STK3: variants seen among roughly 807,000 people sequenced by gnomAD.
STK3 encodes serine/threonine kinase 3, also known as serine/threonine-protein kinase 3.
Under a neutral mutation model 58.0 loss-of-function variants are expected in STK3, and 41 were observed. The observed-to-expected ratio is 0.71, with a 90% confidence interval of 0.55 to 0.92. STK3 has a LOEUF of 0.92. Ranked by LOEUF, STK3 falls within the 40% of genes least tolerant of loss-of-function variation. The pLI, the probability that STK3 is intolerant of heterozygous loss-of-function variation, is 0.00. For missense variants in STK3, 479 were observed against 602.7 expected (o/e 0.79, Z 2.15); for synonymous variants, 170 against 191.0 (o/e 0.89, Z 0.91).
At chr8:98,496,554 G>A (rs75274186) in intron 10 of STK3, among the ~76,000 whole-genome samples, 8,603 of 152,162 alleles carry the variant, frequency 0.057, 332 homozygotes, top group South Asian at 0.19. Context: ...CTTCTTTGCA[G>A]AAATTGACAA....
chr8:98,597,513 T>A, intron 6 of STK3: 1 of 985,388 alleles, frequency 1.0e-6, no homozygotes, highest in Non-Finnish European at 1.2e-6. Flanking sequence ...ATAAAGCATT[T>A]CTGTGTGTTC....
intron 8 of STK3, among the ~76,000 whole-genome samples, chr8:98,575,614 A>G (rs1039650633): frequency 1.3e-5 from 2 of 151,600 alleles, no homozygotes; most frequent in African/African-American, 4.9e-5. Flanking sequence ...TGTAAGTTGT[A>G]AGAGTTCTCT....
chr8:98,528,049 T>C (rs1455019900), intron 9 of STK3, among the ~76,000 whole-genome samples: 1 of 152,184 alleles, frequency 6.6e-6, no homozygotes, highest in East Asian at 1.9e-4. Flanking sequence ...AACTGATTAT[T>C]AGGTCTTTTA....
chr8:98,598,266 T>C (rs1408580979), intron 6 of STK3: 2 of 985,382 alleles, frequency 2.0e-6, no homozygotes, highest in Non-Finnish European at 2.4e-6. Flanking sequence ...TCTTAACATA[T>C]AAGGCTCACC....
At chr8:98,901,907 C>A (rs1838670871) in intron 1 of STK3, among the ~76,000 whole-genome samples, 1 of 152,200 alleles carries the variant, frequency 6.6e-6, no homozygotes, top group Non-Finnish European at 1.5e-5. Flanking sequence ...AAGGGTCAAT[C>A]CTAACCCTCC....
chr8:98,888,279 A>G (rs1838066531), intron 1 of STK3, among the ~76,000 whole-genome samples: 1 of 152,128 alleles, frequency 6.6e-6, no homozygotes, highest in Non-Finnish European at 1.5e-5. Context: ...AGATTGCACC[A>G]CTGCCCTCCA....
At chr8:98,537,672 A>C (rs1385132683) in intron 9 of STK3, among the ~76,000 whole-genome samples, 5 of 152,184 alleles carry the variant, frequency 3.3e-5, no homozygotes, top group African/African-American at 1.2e-4. Flanking sequence ...CCAGCTTACA[A>C]AAACATTTTA....
intron 10 of STK3, among the ~76,000 whole-genome samples, chr8:98,471,021 T>C (rs1563635751): frequency 6.6e-6 from 1 of 152,190 alleles, no homozygotes; most frequent in East Asian, 1.9e-4. Context: ...GGCAGGTGGC[T>C]TCTGAAAAGG....
At chr8:98,359,127 A>T in the STK3 span, among the ~76,000 whole-genome samples, 1 of 152,136 alleles carries the variant, frequency 6.6e-6, no homozygotes, top group Admixed American at 6.5e-5. Context: ...CCATCCCGCT[A>T]TTCCTGCTGA....
intron 10 of STK3, among the ~76,000 whole-genome samples, chr8:98,508,926 T>C (rs1183154821): frequency 1.3e-5 from 2 of 152,120 alleles, no homozygotes; most frequent in Non-Finnish European, 1.5e-5. Context: ...TAAGAACTAA[T>C]GATGTATTCT....
chr8:98,590,562 CAGG>C (rs1457555385), intron 7 of STK3, among the ~76,000 whole-genome samples: 1 of 152,290 alleles, frequency 6.6e-6, no homozygotes, highest in African/African-American at 2.4e-5. Context: ...GAGCAAAAAG[CAGG>C]AGGACGGGGG....
At chr8:98,416,527 A>T (rs1241537473) in intron 3 of STK3, among the ~76,000 whole-genome samples, 4 of 152,058 alleles carry the variant, frequency 2.6e-5, no homozygotes, top group South Asian at 2.1e-4. Flanking sequence ...CAGGAGACAC[A>T]CTCCACTGGG....
At position 98,428,475 on chromosome 8, in the gene STK3, C is replaced by G; in HGVS notation, n.483+5652G>C. ...CGCCTCCAAGTTCGATGGGCAGCCCCTCGGCAACTTCCGCAGGCAGCTGTG... is the reference window on the plus strand; with the variant it reads ...CGCCTCCAAGTTCGATGGGCAGCCCGTCGGCAACTTCCGCAGGCAGCTGTG... On this transcript the variant is annotated intron_variant and non_coding_transcript_variant, in intron 3 of 3. Transcript: ENST00000517832. This position sits in a 1 kb window ranked among gnomAD's most constrained non-coding sequence, Gnocchi z 6.7. 1 of 1,614,152 alleles carries G rather than the reference C, an allele frequency of 6.2e-7. No individual in the cohort carries two copies. Among genetic ancestry groups the G allele is most frequent in the Non-Finnish European group, 8.5e-7 (1 of 1,180,036 alleles).
intron 1 of STK3, among the ~76,000 whole-genome samples, chr8:98,915,768 T>C (rs781079323): frequency 4.6e-5 from 7 of 151,920 alleles, no homozygotes; most frequent in Non-Finnish European, 7.4e-5. Context: ...TCAGAGAAAA[T>C]ATCCATCCTC....
intron 8 of STK3, among the ~76,000 whole-genome samples, chr8:98,575,168 G>A (rs1343824531): frequency 6.6e-6 from 1 of 152,066 alleles, no homozygotes; most frequent in East Asian, 1.9e-4. Context: ...AATAATACTT[G>A]GGGTAGATGG....
At chr8:98,893,484 A>AGAG in intron 1 of STK3, among the ~76,000 whole-genome samples, 1 of 43,620 alleles carries the variant, frequency 2.3e-5, no homozygotes, top group East Asian at 5.9e-4. Flanking sequence ...GAAAGAAAGA[A>AGAG]AGAGAAAGAA....
At chr8:98,798,820 C>G (rs751921863) in intron 1 of STK3, among the ~76,000 whole-genome samples, 1 of 152,120 alleles carries the variant, frequency 6.6e-6, no homozygotes, top group Non-Finnish European at 1.5e-5. Flanking sequence ...AAAAATCAGG[C>G]CTTTAAGAGG....
At chr8:98,794,358 A>T (rs1055277930) in intron 1 of STK3, among the ~76,000 whole-genome samples, 3 of 152,194 alleles carry the variant, frequency 2.0e-5, no homozygotes, top group Non-Finnish European at 4.4e-5. Context: ...TGCCACAAAA[A>T]TACAAAAGTT....
At chr8:98,688,953 AG>A (rs1330032746) in intron 6 of STK3, among the ~76,000 whole-genome samples, 1 of 152,198 alleles carries the variant, frequency 6.6e-6, no homozygotes, top group African/African-American at 2.4e-5. Context: ...ACCATACAAA[AG>A]ATCAATGAAA....
Sources: gnomAD v4.1 joint callset for allele counts (sites outside exome capture counted in the v4.1 genomes callset) on GRCh38, gnomAD v4.1.1 for gene constraint, Gnocchi (gnomAD v3.1) non-coding constraint, MANE v1.5 for transcripts, NCBI Gene and HGNC (gene_info 2026-07-23, HGNC 2026-07-21) for gene names.